Variants in LY75 observed in about 807,000 individuals in gnomAD.
The protein encoded by LY75 is lymphocyte antigen 75.
A neutral mutation model predicts 231.7 loss-of-function variants in LY75; 185 were observed. The observed-to-expected ratio is 0.80, with a 90% CI of 0.71 to 0.90. The LOEUF (loss-of-function observed/expected upper bound fraction) is 0.90. LY75 is among the 40% of genes least tolerant of loss of function. The pLI is 0.00. For missense variants in LY75, 1,947 were observed against 2,050.2 expected (o/e 0.95, Z 0.97); for synonymous variants, 668 against 689.0 (o/e 0.97, Z 0.48).
chr2:159,858,583 A>C, intron 15 of LY75, 107 bp from the exon 16 acceptor site: 1 of 1,246,326 alleles, frequency 8.0e-7, no homozygotes, highest in Non-Finnish European at 1.1e-6. Flanking sequence ...TCTAGCACCT[A>C]AGATATTTGT....
At position 159,890,477 on chromosome 2, in the gene LY75, G is replaced by A; in HGVS notation, c.638-100C>T. Reference sequence around the variant, plus strand: ...CTGCAAGTCAATTTGCATACTCTTAGGATATGCCCAAAGGGAGACTGCCAT... The same window carrying A: ...CTGCAAGTCAATTTGCATACTCTTAAGATATGCCCAAAGGGAGACTGCCAT... On this transcript the variant is annotated intron_variant, in intron 3 of 34. Coordinates refer to ENST00000263636, the MANE Select transcript of LY75 (RefSeq NM_002349.4). The A allele has an allele frequency of 3.3e-6, 5 of 1,524,522 alleles. No homozygotes were observed. The South Asian group carries it at 3.6e-5, about 11-fold the overall frequency. The allele number at this position is 1,524,522 out of a possible 1,614,324, so 94.4% of individuals were successfully genotyped here. A position where few individuals can be genotyped will look rare whatever the true frequency, so the allele number is the denominator to read the frequency against.
intron 23 of LY75, among the ~76,000 whole-genome samples, chr2:159,847,257 G>A (rs746081557): frequency 6.6e-5 from 10 of 152,164 alleles, no homozygotes; most frequent in South Asian, 4.1e-4. Context: ...CAGGCAATCC[G>A]CCCACCTTGG....
chr2:159,901,076 T>G (rs975801497), intron 1 of LY75, among the ~76,000 whole-genome samples: 1 of 152,124 alleles, frequency 6.6e-6, no homozygotes, highest in Non-Finnish European at 1.5e-5. Flanking sequence ...TGACCTCAGG[T>G]GATCCACCCA....
intron 12 of LY75, 150 bp downstream of exon 12, chr2:159,875,294 T>A (rs577268985): frequency 2.7e-4 from 303 of 1,120,324 alleles, no homozygotes; most frequent in Non-Finnish European, 3.5e-4. Flanking sequence ...CACCAGAGGT[T>A]CAGCGATGCC....
At chr2:159,894,710 G>A (rs1250789960) in intron 2 of LY75, among the ~76,000 whole-genome samples, 1 of 152,200 alleles carries the variant, frequency 6.6e-6, no homozygotes, top group Admixed American at 6.5e-5. Context: ...GGTAATTTGG[G>A]GTGTGAAAGA....
chr2:159,904,460 C>CT, intron 1 of LY75, 129 bp downstream of exon 1: 1 of 1,052,688 alleles, frequency 9.5e-7, no homozygotes, highest in Non-Finnish European at 1.3e-6. Context: ...GGCTCCAGAG[C>CT]CCCCCCGCCC....
At chr2:159,845,592 T>C (rs1022095051) in intron 23 of LY75, among the ~76,000 whole-genome samples, 1 of 152,048 alleles carries the variant, frequency 6.6e-6, no homozygotes, top group Non-Finnish European at 1.5e-5. Flanking sequence ...TTTGTCATTA[T>C]TCCCTAAAAA....
chr2:159,842,360 C>T lies in LY75; in HGVS notation c.3165G>A (p.Glu1055=), dbSNP rs967372840. The T allele has an allele frequency of 1.9e-6, 3 of 1,609,374 alleles. No homozygotes were observed. The highest frequency in any genetic ancestry group is 1.3e-5 in the African/African-American group (1 of 74,378). ...GTATTAGGGCACAGTGGTAGCGAGA[C>T]TCTTCCTCAAAAAACTAAACAAAAA... ...LRIPENFFEE[E]SRYHCALILN... The change falls in exon 24 of 35, where the codon GAG becomes GAA. Residue 1055 remains glutamate (E), a synonymous_variant. Transcript: ENST00000263636.
At chr2:159,842,544 A>G (rs1021386453) in intron 23 of LY75, among the ~76,000 whole-genome samples, 170 bp from the exon 24 acceptor site, 2 of 152,154 alleles carry the variant, frequency 1.3e-5, no homozygotes, top group Admixed American at 1.3e-4. Context: ...AGCATGGATA[A>G]AGGGCAATTA....
chr2:159,874,766 A>G (rs1678582460), intron 12 of LY75, among the ~76,000 whole-genome samples: 1 of 69,890 alleles, frequency 1.4e-5, no homozygotes, highest in African/African-American at 5.3e-5. Context: ...AAATATATGT[A>G]AATATATATA....
intron 34 of LY75, 64 bp downstream of exon 34, chr2:159,806,909 G>C: frequency 3.9e-6 from 6 of 1,523,054 alleles, no homozygotes; most frequent in Non-Finnish European, 5.3e-6. Flanking sequence ...GTACATAATT[G>C]GATTGTACAT....
intron 16 of LY75, among the ~76,000 whole-genome samples, chr2:159,855,259 A>G (rs1231288101): frequency 6.6e-6 from 1 of 152,244 alleles, no homozygotes; most frequent in East Asian, 1.9e-4. Flanking sequence ...AAAACAAGTA[A>G]ATAATGATAT....
intron 33 of LY75, among the ~76,000 whole-genome samples, chr2:159,807,445 C>A (rs774796817): frequency 6.6e-6 from 1 of 152,192 alleles, no homozygotes; most frequent in Non-Finnish European, 1.5e-5. Flanking sequence ...CGTTAAAGTG[C>A]AGAATGCTTG....
intron 23 of LY75, among the ~76,000 whole-genome samples, chr2:159,848,089 T>TACACACACACACACACAC (rs1560079271): frequency 4.4e-5 from 2 of 45,116 alleles, no homozygotes; most frequent in Non-Finnish European, 1.4e-4. Flanking sequence ...TATATATATA[T>TACACACACACACACACAC]ATATACACAC....
intron 25 of LY75, 99 bp from the exon 26 acceptor site, chr2:159,835,744 A>C (rs1020957183): frequency 7.0e-7 from 1 of 1,422,100 alleles, no homozygotes; most frequent in African/African-American, 1.5e-5. Context: ...TAATTTTTTT[A>C]ATATTTAATA....
intron 7 of LY75, 134 bp from the exon 8 acceptor site, chr2:159,881,374 T>G (rs1306772984): frequency 9.3e-7 from 1 of 1,080,314 alleles, no homozygotes; most frequent in Non-Finnish European, 1.3e-6. Flanking sequence ...GTTATTAATA[T>G]GTTGATACGA....
At chr2:159,880,261 T>C (rs1044637560) in intron 8 of LY75, among the ~76,000 whole-genome samples, 1 of 152,192 alleles carries the variant, frequency 6.6e-6, no homozygotes, top group Non-Finnish European at 1.5e-5. Context: ...ACAGCCTATT[T>C]TGGATTATTA....
chr2:159,850,791 T>TATAAAAAA (rs1553805728), intron 21 of LY75, among the ~76,000 whole-genome samples: 6 of 94,510 alleles, frequency 6.3e-5, no homozygotes, highest in Non-Finnish European at 1.4e-4. Flanking sequence ...TATATATATA[T>TATAAAAAA]ATATATATTA....
chr2:159,816,510 A>C (rs1683122784), intron 30 of LY75, among the ~76,000 whole-genome samples: 2 of 152,196 alleles, frequency 1.3e-5, no homozygotes, highest in African/African-American at 2.4e-5. Context: ...TTCTGATTCT[A>C]TGCTATTTCA....
Sources: allele counts gnomAD v4.1 joint callset (sites outside exome capture counted in the v4.1 genomes callset), GRCh38; gene constraint gnomAD v4.1.1; transcripts MANE v1.5; gene names NCBI Gene and HGNC (gene_info 2026-07-23, HGNC 2026-07-21).